SLC25A47: variants seen among roughly 807,000 people sequenced by gnomAD.
SLC25A47 encodes the protein solute carrier family 25 member 47, also known as HCC-down-regulated mitochondrial carrier protein.
In SLC25A47, 30 loss-of-function variants were observed where a neutral mutation model predicts 29.8. The ratio of observed to expected loss-of-function variants is 1.01; its 90% CI spans 0.75 to 1.36. The LOEUF (loss-of-function observed/expected upper bound fraction) is 1.36, where lower values mean the gene tolerates loss of function less well. Among genes scored for constraint, SLC25A47 ranks in the 40% most tolerant of loss-of-function variants. The pLI is 0.00. For missense variants in SLC25A47, 430 were observed against 441.9 expected (o/e 0.97, Z 0.24); for synonymous variants, 204 against 197.8 (o/e 1.03, Z -0.26).
chr14:100,327,634 C>T (rs1159916017), intron 4 of SLC25A47, among the ~76,000 whole-genome samples: 1 of 152,218 alleles, frequency 6.6e-6, no homozygotes, highest in Non-Finnish European at 1.5e-5. Flanking sequence ...GGGACTCTCC[C>T]TGTCACGGTC....
At chr14:100,325,607 C>T (rs2139844431) in intron 1 of SLC25A47, among the ~76,000 whole-genome samples, 181 bp from the exon 2 acceptor site, 1 of 152,344 alleles carries the variant, frequency 6.6e-6, no homozygotes, top group Middle Eastern at 3.4e-3. Flanking sequence ...TCAATTTCCT[C>T]ATCTCTAAAA....
rs1893361761 is a variant in SLC25A47 at position 100,327,380 on chromosome 14, G to T, written c.327+10G>T. The T allele has an allele frequency of 6.3e-7, 1 of 1,583,032 alleles. No homozygotes were observed. The highest frequency in any genetic ancestry group is 1.7e-5 in the Admixed American group (1 of 58,498). On this transcript the variant is annotated intron_variant, in intron 4 of 5. Transcript: ENST00000361529. ...CTCCGGCCTCGTCCGCGTGAGTAGGGGCAGCCAGGGTGGGGAAGGCCCAAG... is the reference window on the plus strand; with the variant it reads ...CTCCGGCCTCGTCCGCGTGAGTAGGTGCAGCCAGGGTGGGGAAGGCCCAAG...
intron 1 of SLC25A47, among the ~76,000 whole-genome samples, chr14:100,324,585 C>T (rs947544928): frequency 6.6e-6 from 1 of 152,236 alleles, no homozygotes; most frequent in African/African-American, 2.4e-5. Context: ...CGCTCCCTTC[C>T]TCAGGGAAGC....
chr14:100,325,747 G>A lies in SLC25A47; in HGVS notation c.29-41G>A, dbSNP rs866021260. On this transcript the variant is annotated intron_variant, in intron 1 of 5. Coordinates refer to ENST00000361529, the MANE Select transcript of SLC25A47 (RefSeq NM_207117.4). ...CTGCAATGGGGTTGAACTGCTCGCC[G>A]GCCCCACTCTCCTCACCGTGGGCCT... The A allele has an allele frequency of 1.3e-5, 21 of 1,601,790 alleles. 2 individuals carry two copies. In the Middle Eastern group the frequency reaches 1.7e-3, roughly 126 times the overall value.
chr14:100,329,044 G>A lies in SLC25A47; in HGVS notation c.646G>A (p.Asp216Asn), dbSNP rs760122977. 5 of 1,598,254 alleles carry A rather than the reference G, an allele frequency of 3.1e-6. No individual in the cohort carries two copies. Among genetic ancestry groups the A allele is most frequent in the Non-Finnish European group, 4.2e-6 (5 of 1,179,508 alleles). Residue 216 changes from aspartate to asparagine, a missense_variant and splice_region_variant, in exon 5 of 6, where the codon GAT (aspartate) becomes AAT (asparagine). Coordinates refer to ENST00000361529, the MANE Select transcript of SLC25A47 (RefSeq NM_207117.4). ...WLSPAGHSRPDVPGVLVAGGC... is the reference protein window; with the variant it reads ...WLSPAGHSRPNVPGVLVAGGC... ...CAGCCCCGCTGGCCACAGCCGGCCAGGTGAGCAGGGGCTGGAACCTGGCAG... is the reference window on the plus strand; with the variant it reads ...CAGCCCCGCTGGCCACAGCCGGCCAAGTGAGCAGGGGCTGGAACCTGGCAG...
intron 1 of SLC25A47, among the ~76,000 whole-genome samples, chr14:100,324,181 T>TA (rs544177216): frequency 1.1e-4 from 17 of 151,990 alleles, no homozygotes; most frequent in African/African-American, 4.1e-4. Flanking sequence ...GGCCCAGCTC[T>TA]GGCCCTGGGA....
At chr14:100,327,407 G>A (rs781074860) in intron 4 of SLC25A47, 37 bp downstream of exon 4, 14 of 1,552,982 alleles carry the variant, frequency 9.0e-6, no homozygotes, top group South Asian at 1.2e-5. Flanking sequence ...AGGCCCAAGA[G>A]AGACTGCGGG....
intron 1 of SLC25A47, among the ~76,000 whole-genome samples, chr14:100,324,468 G>A (rs1156856168): frequency 6.6e-6 from 1 of 152,120 alleles, no homozygotes; most frequent in Non-Finnish European, 1.5e-5. Flanking sequence ...CAAGCGATCC[G>A]CACGCCTCAG....
rs541010450 is a variant in SLC25A47 at position 100,323,383 on chromosome 14, C to G, written c.-32C>G. On this transcript the variant is annotated 5_prime_UTR_variant, in exon 1 of 6. Coordinates refer to ENST00000361529, the MANE Select transcript of SLC25A47 (RefSeq NM_207117.4). ...TGGCACCAAAGCCCTCTCAGGCAGG[C>G]AGACCCAGGGCCTCCCCGCCACACC... 5.4e-5 allele frequency: 87 copies of G among 1,612,068 alleles called. No homozygotes were observed. The highest frequency in any genetic ancestry group is 4.5e-4 in the Admixed American group (27 of 59,976).
chr14:100,329,120 C>CGGG, intron 5 of SLC25A47, 76 bp downstream of exon 5: 2 of 1,499,612 alleles, frequency 1.3e-6, no homozygotes, highest in Non-Finnish European at 1.8e-6. Context: ...GTGCTGCCCG[C>CGGG]CAGTACCCGA....
rs369327792 is a variant in SLC25A47, at chr14:100,329,049, G to A, written c.646+5G>A. On this transcript the variant is annotated splice_donor_5th_base_variant and intron_variant, in intron 5 of 5. Coordinates refer to ENST00000361529, the MANE Select transcript of SLC25A47 (RefSeq NM_207117.4). ...CCGCTGGCCACAGCCGGCCAGGTGAGCAGGGGCTGGAACCTGGCAGGGCGG... is the reference window on the plus strand; with the variant it reads ...CCGCTGGCCACAGCCGGCCAGGTGAACAGGGGCTGGAACCTGGCAGGGCGG... The A allele has an allele frequency of 1.8e-5, 28 of 1,598,028 alleles. No individual in the cohort carries two copies. In the African/African-American group the frequency reaches 2.8e-4, roughly 16 times the overall value.
chr14:100,327,005 C>T (rs531292757), intron 3 of SLC25A47, among the ~76,000 whole-genome samples, 183 bp from the exon 4 acceptor site: 2 of 152,170 alleles, frequency 1.3e-5, no homozygotes, highest in African/African-American at 2.4e-5. Context: ...GGGCCTGGTC[C>T]TCTGGCTCTT....
At chr14:100,326,917 T>A (rs564368347) in intron 3 of SLC25A47, among the ~76,000 whole-genome samples, 9 of 151,812 alleles carry the variant, frequency 5.9e-5, no homozygotes, top group Admixed American at 2.6e-4. Flanking sequence ...GAGGTTGCAG[T>A]GAGTTAAGAT....
chr14:100,327,558 C>T (rs565778710), intron 4 of SLC25A47, among the ~76,000 whole-genome samples, 188 bp downstream of exon 4: 1 of 152,288 alleles, frequency 6.6e-6, no homozygotes, highest in African/African-American at 2.4e-5. Flanking sequence ...CTCAGCAGCA[C>T]ACAGATGAGG....
In SLC25A47 at chr14:100,327,278, G is replaced by A; in HGVS notation, c.235G>A (p.Ala79Thr). The A allele has an allele frequency of 6.2e-7, 1 of 1,606,910 alleles. No individual in the cohort carries two copies. Among genetic ancestry groups the A allele is most frequent in the East Asian group, 2.2e-5 (1 of 44,874 alleles). ...TTTTGGCACCTACCGCCACTGCCTG[G>A]CGCACATCTGCCGGCTCCGGTACGG... is the stretch of plus-strand genomic sequence containing the variant. ...VSFGTYRHCL[A>T]HICRLRYGNP... Residue 79 changes from alanine to threonine, a missense_variant, in exon 4 of 6, where the codon GCG (alanine) becomes ACG (threonine). Ala to Thr is a moderately conservative substitution (Grantham distance 58). Transcript: ENST00000361529.
Position 100,326,140 on chromosome 14 carries a change from G to A in SLC25A47, c.73-17G>A, listed in dbSNP as rs1469233844. The A allele has an allele frequency of 6.2e-7, 1 of 1,611,050 alleles. No homozygotes were observed. The highest frequency in any genetic ancestry group is 1.7e-5 in the Admixed American group (1 of 59,742). On this transcript the variant is annotated splice_polypyrimidine_tract_variant and intron_variant, in intron 2 of 5. Transcript: ENST00000361529. ...AGGCCTGGAGCCGCTCGTGCCTGAA[G>A]CCCACTTCTCCTGCAGGTCAGGATC...
Position 100,329,355 on chromosome 14 carries a change from C to T in SLC25A47, c.647-10C>T, listed in dbSNP as rs1320102780. 1.3e-6 allele frequency: 2 copies of T among 1,584,938 alleles called. No homozygotes were observed. The highest frequency in any genetic ancestry group is 2.7e-5 in the African/African-American group (2 of 74,330). On this transcript the variant is annotated splice_polypyrimidine_tract_variant and intron_variant, in intron 5 of 5. Coordinates refer to ENST00000361529, the MANE Select transcript of SLC25A47 (RefSeq NM_207117.4). ...AGGCTCCCAGTCAAGGCACTGTGGT[C>T]TCTCTGCAGATGTCCCGGGCGTGCT...
chr14:100,325,722 C>T, intron 1 of SLC25A47, 66 bp from the exon 2 acceptor site: 1 of 1,542,532 alleles, frequency 6.5e-7, no homozygotes. Flanking sequence ...TTCTGCTTCC[C>T]TGCAATGGGG....
intron 2 of SLC25A47, 21 bp downstream of exon 2, chr14:100,325,852 C>A (rs758490935): frequency 2.6e-5 from 42 of 1,608,796 alleles, no homozygotes; most frequent in Non-Finnish European, 2.5e-6. Flanking sequence ...AGCCAGCCCC[C>A]CAACCATCCT....
Sources: allele counts gnomAD v4.1 joint callset (sites outside exome capture counted in the v4.1 genomes callset), GRCh38; gene constraint gnomAD v4.1.1; transcripts MANE v1.5; gene names NCBI Gene and HGNC (gene_info 2026-07-23, HGNC 2026-07-21).